The following MGMT variants were observed in gnomAD, a reference collection of about 807,000 sequenced individuals.
MGMT encodes the protein O-6-methylguanine-DNA methyltransferase.
Under a neutral mutation model 15.9 loss-of-function variants are expected in MGMT, and 14 were observed. That is an observed-to-expected ratio of 0.88 (90% CI 0.58 to 1.37). The LOEUF (loss-of-function observed/expected upper bound fraction) is 1.37, where lower values mean the gene tolerates loss of function less well. Among genes scored for constraint, MGMT ranks in the 40% most tolerant of loss-of-function variants. MGMT has a pLI of 0.00. For synonymous variants in MGMT, 130 were observed against 118.2 expected (o/e 1.10, Z -0.65); for missense variants, 282 against 268.1 (o/e 1.05, Z -0.36).
chr10:129,563,220 CTGTT>C (rs1438148135), intron 2 of MGMT, among the ~76,000 whole-genome samples: 2 of 152,212 alleles, frequency 1.3e-5, no homozygotes, highest in Non-Finnish European at 2.9e-5. Context: ...AGGCACATCT[CTGTT>C]TGAGTGCCTG....
At chr10:129,639,242 T>C (rs1216526587) in intron 2 of MGMT, among the ~76,000 whole-genome samples, 3 of 152,068 alleles carry the variant, frequency 2.0e-5, no homozygotes, top group African/African-American at 4.8e-5. Flanking sequence ...ATATTAGCAT[T>C]AGATGATGTA....
At chr10:129,701,185 C>T (rs1476921920) in intron 2 of MGMT, 3 of 152,256 alleles carry the variant, frequency 2.0e-5, no homozygotes, top group Admixed American at 1.3e-4. Flanking sequence ...CCAAGCTCGG[C>T]ACCTTGCCAG....
intron 1 of MGMT, among the ~76,000 whole-genome samples, chr10:129,521,726 C>G (rs957033767): frequency 1.3e-5 from 2 of 152,158 alleles, no homozygotes; most frequent in African/African-American, 4.8e-5. Flanking sequence ...AGTGTCGGCT[C>G]AAGAAGTGTG....
At position 129,770,915 on chromosome 10, in the gene MGMT, C is replaced by T. The variant is rs985942219; in HGVS notation, c.*3918C>T. Among the ~76,000 whole-genome samples, 6 of 150,936 alleles carry T rather than the reference C, an allele frequency of 4.0e-5. No homozygotes were observed. Among genetic ancestry groups the T allele is most frequent in the Non-Finnish European group, 5.9e-5 (4 of 68,034 alleles). On this transcript the variant is annotated 3_prime_UTR_variant, in exon 5 of 5. Transcript: ENST00000651593. ...TTTTGGCTTCCCTCAGACCTCAGAC[C>T]GTGTGGGTTTTTTTTTCTTTCTTTC...
At position 129,566,079 on chromosome 10, in the gene MGMT, C is replaced by T. The variant is rs986314434; in HGVS notation, c.125+29702C>T. 6.6e-6 allele frequency among the ~76,000 whole-genome samples: 1 copy of T among 152,214 alleles called. No individual in the cohort carries two copies. The highest frequency in any genetic ancestry group is 2.4e-5 in the African/African-American group (1 of 41,462). On this transcript the variant is annotated intron_variant, in intron 2 of 4. Transcript: ENST00000651593. This position sits in a 1 kb window ranked among gnomAD's most constrained non-coding sequence, Gnocchi z 4.1. ...TCTTCAGCTCCTCTGGTCATTCACA[C>T]GTGGCCTGGCCACTTGCCTATTGTA...
At position 129,569,130 on chromosome 10, in the gene MGMT, A is replaced by C. The variant is rs192653418; in HGVS notation, c.125+32753A>C. On this transcript the variant is annotated intron_variant, in intron 2 of 4. Transcript: ENST00000651593. ...GGCCACTTACGGGCTCTGGCAGGTT[A>C]CCTCAGCTGTTGAACTCGTGAGCTG... 1.0e-3 allele frequency among the ~76,000 whole-genome samples: 157 copies of C among 152,260 alleles called. No homozygotes were observed. The Middle Eastern group carries it at 0.017, about 16-fold the overall frequency.
intron 2 of MGMT, among the ~76,000 whole-genome samples, chr10:129,612,436 G>A (rs1282248412): frequency 6.6e-6 from 1 of 152,248 alleles, no homozygotes; most frequent in Non-Finnish European, 1.5e-5. Flanking sequence ...AAGTCCATTT[G>A]ATGGTTGGGG....
At chr10:129,733,362 A>C (rs558094897) in intron 3 of MGMT, among the ~76,000 whole-genome samples, 1 of 152,032 alleles carries the variant, frequency 6.6e-6, no homozygotes, top group Non-Finnish European at 1.5e-5. Flanking sequence ...TCTACTTTTG[A>C]GAAGTGTCTG....
chr10:129,622,171 C>G (rs954086725), intron 2 of MGMT, among the ~76,000 whole-genome samples: 4 of 152,182 alleles, frequency 2.6e-5, no homozygotes, highest in African/African-American at 9.7e-5. Context: ...GACGGAATAC[C>G]TGATCTCAAG....
intron 2 of MGMT, among the ~76,000 whole-genome samples, chr10:129,629,508 A>G (rs1399086943): frequency 1.3e-5 from 2 of 152,154 alleles, no homozygotes; most frequent in African/African-American, 4.8e-5. Flanking sequence ...GAAGCGTGGG[A>G]TGGGGTCTTA....
At chr10:129,583,104 AAAG>A (rs1206478702) in intron 2 of MGMT, among the ~76,000 whole-genome samples, 2 of 152,230 alleles carry the variant, frequency 1.3e-5, no homozygotes, top group East Asian at 1.9e-4. Context: ...AATGGGGAGA[AAAG>A]AAGTCTGTGT....
At chr10:129,726,110 G>GCTT (rs1848430901) in intron 3 of MGMT, among the ~76,000 whole-genome samples, 1 of 152,026 alleles carries the variant, frequency 6.6e-6, no homozygotes, top group South Asian at 2.1e-4. Flanking sequence ...AGTAGCTTCT[G>GCTT]CTTGCTGAGT....
At chr10:129,697,800 T>C (rs1426330024) in intron 2 of MGMT, among the ~76,000 whole-genome samples, 2 of 151,836 alleles carry the variant, frequency 1.3e-5, no homozygotes, top group Non-Finnish European at 2.9e-5. Flanking sequence ...CCTGAGAGAG[T>C]GAGGATGTGA....
intron 2 of MGMT, among the ~76,000 whole-genome samples, chr10:129,660,559 C>G (rs1357143814): frequency 6.6e-6 from 1 of 152,158 alleles, no homozygotes; most frequent in African/African-American, 2.4e-5. Flanking sequence ...GCTTTTCTGT[C>G]CCAGCAGCCT....
intron 3 of MGMT, among the ~76,000 whole-genome samples, chr10:129,739,408 G>T (rs1220196935): frequency 1.3e-5 from 2 of 152,198 alleles, no homozygotes; most frequent in Non-Finnish European, 2.9e-5. Flanking sequence ...AAACCCCATT[G>T]TCTCAGCCCA....
chr10:129,675,535 G>A (rs1477319881), intron 2 of MGMT, among the ~76,000 whole-genome samples: 1 of 152,172 alleles, frequency 6.6e-6, no homozygotes, highest in East Asian at 1.9e-4. Flanking sequence ...TAGCAGGAGG[G>A]GAGTCCCCAT....
intron 3 of MGMT, chr10:129,715,430 G>A (rs1848282562): frequency 6.6e-6 from 1 of 152,102 alleles, no homozygotes; most frequent in South Asian, 2.1e-4. Context: ...TTTTAAATGG[G>A]CTTTGAAAAA....
chr10:129,614,198 A>T (rs76956477), intron 2 of MGMT, among the ~76,000 whole-genome samples: 7,039 of 152,178 alleles, frequency 0.046, 194 homozygotes, highest in Middle Eastern at 0.085. Context: ...TGACTGGCTT[A>T]TTTCATGGAG....
At chr10:129,512,220 T>A (rs1845691542) in intron 1 of MGMT, among the ~76,000 whole-genome samples, 2 of 152,144 alleles carry the variant, frequency 1.3e-5, no homozygotes, top group African/African-American at 4.8e-5. Context: ...CAGCGATCAG[T>A]TTCACCTGTT....
Sources: gnomAD v4.1 joint callset for allele counts (sites outside exome capture counted in the v4.1 genomes callset) on GRCh38, gnomAD v4.1.1 for gene constraint, Gnocchi (gnomAD v3.1) non-coding constraint, MANE v1.5 for transcripts, NCBI Gene and HGNC (gene_info 2026-07-23, HGNC 2026-07-21) for gene names.